The following DDX6 variants were observed in gnomAD, a reference collection of about 807,000 sequenced individuals.
DDX6 encodes DEAD-box helicase 6, also known as probable ATP-dependent RNA helicase DDX6.
DDX6 carries 7 observed loss-of-function variants against 60.6 expected under a neutral mutation model. The observed-to-expected ratio is 0.12, with a 90% CI of 0.07 to 0.22. The LOEUF is 0.22. Among genes scored for constraint, DDX6 ranks in the 10% least tolerant of loss-of-function variants. The probability of loss-of-function intolerance (pLI) is 1.00; values close to 1 mark genes in which losing one functional copy is unlikely to be tolerated. For synonymous variants in DDX6, 207 were observed against 201.0 expected (o/e 1.03, Z -0.25); for missense variants, 270 against 589.9 (o/e 0.46, Z 5.62).
intron 4 of DDX6, among the ~76,000 whole-genome samples, chr11:118,772,952 A>C (rs1225729370): frequency 6.6e-6 from 1 of 152,202 alleles, no homozygotes; most frequent in Non-Finnish European, 1.5e-5. Flanking sequence ...CTAAGAATCT[A>C]AATTGTTATA....
Position 118,779,756 on chromosome 11 carries a change from C to A in DDX6, c.265-20G>T. The A allele has an allele frequency of 6.5e-7, 1 of 1,526,736 alleles. No individual in the cohort carries two copies. The highest frequency in any genetic ancestry group is 9.0e-7 in the Non-Finnish European group (1 of 1,115,268). 94.6% of individuals were successfully genotyped at this position (1,526,736 alleles called of 1,614,324 possible). On this transcript the variant is annotated intron_variant, in intron 3 of 13. Coordinates refer to ENST00000534980, the MANE Select transcript of DDX6 (RefSeq NM_004397.6). ...CACATCCTAGTCAAACAAAAAGGAACAATAAAAGAATAAATAACACTGTTG... is the reference window on the plus strand; with the variant it reads ...CACATCCTAGTCAAACAAAAAGGAAAAATAAAAGAATAAATAACACTGTTG...
intron 9 of DDX6, among the ~76,000 whole-genome samples, 168 bp downstream of exon 9, chr11:118,758,606 C>T (rs1003898607): frequency 1.3e-5 from 2 of 152,042 alleles, no homozygotes; most frequent in African/African-American, 4.8e-5. Flanking sequence ...CTCCTGACCT[C>T]GTGATCTGCC....
intron 5 of DDX6, among the ~76,000 whole-genome samples, chr11:118,766,272 A>AG (rs1565567948): frequency 6.6e-6 from 1 of 151,486 alleles, no homozygotes. Context: ...ACTAAAAAAA[A>AG]AAATGAAAAA....
intron 2 of DDX6, among the ~76,000 whole-genome samples, chr11:118,781,714 G>A (rs1555164746): frequency 6.6e-6 from 1 of 152,114 alleles, no homozygotes; most frequent in East Asian, 1.9e-4. Context: ...GATCACTTGA[G>A]GTCAGGAGTT....
In DDX6 at chr11:118,750,377, G is replaced by A. The variant is rs1212202983; in HGVS notation, c.*1728C>T. 6.6e-6 allele frequency: 1 copy of A among 152,126 alleles called. No homozygotes were observed. Among genetic ancestry groups the A allele is most frequent in the Non-Finnish European group, 1.5e-5 (1 of 68,022 alleles). 9.4% of individuals were successfully genotyped at this position (152,126 alleles called of 1,614,324 possible). ...TTAAAGCAACACTATTGACTGTAAAGCATCTGCCAGCAATTTACAGTGCAA... is the reference window on the plus strand; with the variant it reads ...TTAAAGCAACACTATTGACTGTAAAACATCTGCCAGCAATTTACAGTGCAA... On this transcript the variant is annotated 3_prime_UTR_variant, in exon 14 of 14. Coordinates refer to ENST00000534980, the MANE Select transcript of DDX6 (RefSeq NM_004397.6).
rs1391146249 is a variant in DDX6 at position 118,750,428 on chromosome 11, A to G, written c.*1677T>C. On this transcript the variant is annotated 3_prime_UTR_variant, in exon 14 of 14. Transcript: ENST00000534980. The stretch of plus-strand genomic sequence containing the variant: ...AATGACAGGTAACAATTCTTGTCAC[A>G]ATGCAAGAGAATGGCAAGCAGCTTT... 3 of 152,170 alleles carry G rather than the reference A, an allele frequency of 2.0e-5. No homozygotes were observed. The highest frequency in any genetic ancestry group is 7.2e-5 in the African/African-American group (3 of 41,436). The allele number at this position is 152,170 out of a possible 1,614,324, so 9.4% of individuals were successfully genotyped here. A position where few individuals can be genotyped will look rare whatever the true frequency, so the allele number is the denominator to read the frequency against.
upstream of DDX6, chr11:118,791,277 C>CCGCCGCGGCTATATT (rs958360313): frequency 6.6e-6 from 1 of 152,124 alleles, no homozygotes; most frequent in Non-Finnish European, 1.5e-5. Flanking sequence ...GAAACCTCGG[C>CCGCCGCGGCTATATT]CGCCGCGGCT....
intron 4 of DDX6, among the ~76,000 whole-genome samples, chr11:118,775,636 A>G (rs569764817): frequency 1.3e-5 from 2 of 152,342 alleles, no homozygotes; most frequent in South Asian, 4.1e-4. Flanking sequence ...TTGGTTGTAC[A>G]CTACATTTGA....
intron 4 of DDX6, among the ~76,000 whole-genome samples, chr11:118,776,587 C>A (rs1208419420): frequency 2.0e-5 from 3 of 152,134 alleles, no homozygotes; most frequent in East Asian, 3.9e-4. Context: ...GTAATCCCAA[C>A]ACTTTGGGAG....
chr11:118,759,078 G>T, intron 8 of DDX6, 176 bp from the exon 9 acceptor site: 1 of 804,444 alleles, frequency 1.2e-6, no homozygotes, highest in Non-Finnish European at 1.8e-6. Context: ...CTGCCACCCT[G>T]AGACAAAATC....
rs1555160636 is a variant in DDX6 at position 118,763,253 on chromosome 11, C to T, written c.700G>A (p.Val234Ile). Residue 234 changes from valine (V) to isoleucine (I), a missense_variant, in exon 7 of 14, where the codon GTA becomes ATA. By Grantham distance (29) the Val-to-Ile change is conservative. Around this residue, in one of 8 missense-constraint regions of DDX6, gnomAD observed 15 missense variants for 16.4 expected, o/e 0.92. Transcript: ENST00000534980. ...ATCTGGACATGATCAACCTTTGCTA[C>T]TCCTTTCTTAATAAGATCCAGGATT... is the stretch of plus-strand genomic sequence containing the variant. ...GRILDLIKKG[V>I]AKVDHVQMIV... 2 of 1,612,322 alleles carry T rather than the reference C, an allele frequency of 1.2e-6. No homozygotes were observed. The highest frequency in any genetic ancestry group is 1.7e-6 in the Non-Finnish European group (2 of 1,179,332).
intron 5 of DDX6, among the ~76,000 whole-genome samples, chr11:118,765,801 CT>C (rs66672780): frequency 1.9e-3 from 254 of 133,168 alleles, no homozygotes; most frequent in African/African-American, 6.1e-3. Context: ...AAAAAATAGC[CT>C]AGGCACGGTG....
chr11:118,765,603 C>G (rs1555161160), intron 5 of DDX6, among the ~76,000 whole-genome samples: 1 of 150,802 alleles, frequency 6.6e-6, no homozygotes, highest in African/African-American at 2.4e-5. Context: ...GGTGAAACCC[C>G]ATCTGTACTA....
chr11:118,758,272 C>A (rs1861044715), intron 9 of DDX6, among the ~76,000 whole-genome samples: 1 of 152,182 alleles, frequency 6.6e-6, no homozygotes. Context: ...ATTTCAGAAA[C>A]TATTCAAAAG....
chr11:118,757,579 A>T (rs1261741718), intron 9 of DDX6, among the ~76,000 whole-genome samples: 1 of 151,040 alleles, frequency 6.6e-6, no homozygotes, highest in Non-Finnish European at 1.5e-5. Context: ...GTTTCCATTT[A>T]AAAATATTTT....
chr11:118,751,942 C>G lies in DDX6; in HGVS notation c.*163G>C, dbSNP rs548847775. ...AAAAAGGTATATTCCTTCTTTTCAGCCTTTTTCTCTTCACCAGTTAAAAAA... is the reference window on the plus strand; with the variant it reads ...AAAAAGGTATATTCCTTCTTTTCAGGCTTTTTCTCTTCACCAGTTAAAAAA... On this transcript the variant is annotated 3_prime_UTR_variant, in exon 14 of 14. Coordinates refer to ENST00000534980, the MANE Select transcript of DDX6 (RefSeq NM_004397.6). 6 of 417,692 alleles carry G rather than the reference C, an allele frequency of 1.4e-5. No individual in the cohort carries two copies. Among genetic ancestry groups the G allele is most frequent in the Non-Finnish European group, 2.8e-5 (6 of 210,784 alleles). 25.9% of individuals were successfully genotyped at this position (417,692 alleles called of 1,614,324 possible). A position where few individuals can be genotyped will look rare whatever the true frequency, so the allele number is the denominator to read the frequency against.
intron 6 of DDX6, among the ~76,000 whole-genome samples, chr11:118,763,990 T>A (rs1167083806): frequency 6.6e-6 from 1 of 152,016 alleles, no homozygotes; most frequent in Non-Finnish European, 1.5e-5. Context: ...CTACATTGGG[T>A]GGGGTACAGC....
rs1860634418 is a variant in DDX6, at chr11:118,748,442, A to G, written c.*3663T>C. On this transcript the variant is annotated 3_prime_UTR_variant, in exon 14 of 14. Transcript: ENST00000534980. ...CTACAATCTCACAGAAGTCCACTAA[A>G]GTTCACCAAAAAGCTGACTTACTTC... 6.6e-6 allele frequency: 1 copy of G among 152,206 alleles called. No homozygotes were observed. Among genetic ancestry groups the G allele is most frequent in the Non-Finnish European group, 1.5e-5 (1 of 68,042 alleles). The allele number at this position is 152,206 out of a possible 1,614,324, so 9.4% of individuals were successfully genotyped here. A position where few individuals can be genotyped will look rare whatever the true frequency, so the allele number is the denominator to read the frequency against.
At chr11:118,782,919 C>T (rs1474299222) in intron 2 of DDX6, among the ~76,000 whole-genome samples, 1 of 152,146 alleles carries the variant, frequency 6.6e-6, no homozygotes, top group Admixed American at 6.5e-5. Context: ...CGTGAGCCAC[C>T]TCACCCGGCC....
Sources: allele counts gnomAD v4.1 joint callset (sites outside exome capture counted in the v4.1 genomes callset), GRCh38; gene constraint gnomAD v4.1.1; regional missense constraint gnomAD v4.1.1; transcripts MANE v1.5; gene names NCBI Gene and HGNC (gene_info 2026-07-23, HGNC 2026-07-21).